PARL: variants seen among roughly 807,000 people sequenced by gnomAD.
PARL encodes the protein presenilin-associated rhomboid-like protein, mitochondrial.
A neutral mutation model predicts 51.6 loss-of-function variants in PARL; 44 were observed. That is an observed-to-expected ratio of 0.85 (90% CI 0.67 to 1.10). The LOEUF (loss-of-function observed/expected upper bound fraction) is 1.10. Ranked by LOEUF, PARL falls within the 50% of genes least tolerant of loss-of-function variation. The probability of loss-of-function intolerance (pLI) is 0.00; values close to 1 mark genes in which losing one functional copy is unlikely to be tolerated. For missense variants in PARL, 441 were observed against 469.5 expected (o/e 0.94, Z 0.56); for synonymous variants, 172 against 164.0 (o/e 1.05, Z -0.37).
rs762841882 is a variant in PARL, at chr3:183,862,765, G to A, written c.499C>T (p.Arg167Trp). The A allele has an allele frequency of 7.4e-6, 12 of 1,612,876 alleles. No homozygotes were observed. Among genetic ancestry groups the A allele is most frequent in the East Asian group, 4.5e-5 (2 of 44,858 alleles). The change falls in exon 4 of 10, where the codon CGG becomes TGG. Residue 167 changes from arginine to tryptophan, a missense_variant. Physicochemically the swap from Arg to Trp is moderately radical, Grantham distance 101 (BLOSUM62 -3). Transcript: ENST00000317096. ...AGCTAACACAAACCTGTCACAGTCC[G>A]CTGGCCATCACTTAGGTTATTCCAC... is the stretch of plus-strand genomic sequence containing the variant. ...KWWNNLSDGQ[R>W]TVTGIIAANV...
Position 183,884,710 on chromosome 3 carries a change from G to A in PARL, c.125+12C>T, listed in dbSNP as rs1473815244. On this transcript the variant is annotated intron_variant, in intron 1 of 9. Coordinates refer to ENST00000317096, the MANE Select transcript of PARL (RefSeq NM_018622.7). ...CCAAGAGGCGAGAAGACCAGAGCGC[G>A]GCGGCTATTACCTGCGTCCGAGGAG... 3 of 1,586,114 alleles carry A rather than the reference G, an allele frequency of 1.9e-6. No individual in the cohort carries two copies. Among genetic ancestry groups the A allele is most frequent in the Non-Finnish European group, 2.6e-6 (3 of 1,168,820 alleles).
In PARL at chr3:183,829,698, G is replaced by A. The variant is rs1727697117; in HGVS notation, c.1040C>T (p.Thr347Ile). The A allele has an allele frequency of 6.2e-7, 1 of 1,613,858 alleles. No homozygotes were observed. Among genetic ancestry groups the A allele is most frequent in the Middle Eastern group, 1.6e-4 (1 of 6,082 alleles). The change falls in exon 10 of 10, where the codon ACT (threonine) becomes ATT (isoleucine). Residue 347 changes from threonine to isoleucine, a missense_variant. Transcript: ENST00000317096. ...GGALFGIWYV[T>I]YGHELIWKNR... ...CTTCCAAATCAGTTCATGACCGTAA[G>A]TAACATACCATCTGGAGAAAAACAA... is the stretch of plus-strand genomic sequence containing the variant.
intron 3 of PARL, among the ~76,000 whole-genome samples, chr3:183,864,191 T>C (rs1386624564): frequency 1.3e-5 from 2 of 152,224 alleles, no homozygotes; most frequent in Non-Finnish European, 2.9e-5. Context: ...ATAGGGCTCA[T>C]GCTTCTTGAA....
At chr3:183,871,980 C>T (rs1733266777) in intron 1 of PARL, among the ~76,000 whole-genome samples, 1 of 150,188 alleles carries the variant, frequency 6.7e-6, no homozygotes, top group African/African-American at 2.4e-5. Flanking sequence ...GCTACTACTA[C>T]TATTACTTGC....
intron 4 of PARL, among the ~76,000 whole-genome samples, chr3:183,858,222 G>A (rs904651560): frequency 6.6e-6 from 1 of 152,174 alleles, no homozygotes; most frequent in African/African-American, 2.4e-5. Flanking sequence ...TGGGCTATAA[G>A]ACCAAGGAAA....
In PARL at chr3:183,833,767, A is replaced by C. The variant is rs1217742329; in HGVS notation, c.887T>G (p.Leu296Arg). The C allele has an allele frequency of 1.6e-5, 26 of 1,613,676 alleles. No homozygotes were observed. Among genetic ancestry groups the C allele is most frequent in the Non-Finnish European group, 2.2e-5 (26 of 1,179,512 alleles). The change falls in exon 8 of 10, where the codon CTT (leucine) becomes CGT (arginine). Residue 296 changes from leucine to arginine, a missense_variant. Transcript: ENST00000317096. ...AVCTKIPEGR[L>R]AIIFLPMFTF... ...GAACATCGGAAGGAAAATAATGGCA[A>C]GCCTCCCTTCTGGGATCTTAGTGCA...
Position 183,844,217 on chromosome 3 carries a change from C to G in PARL, c.607+14G>C. On this transcript the variant is annotated intron_variant, in intron 5 of 9. Transcript: ENST00000317096. ...ATTTCTACCTTAAAATAAATTCACA[C>G]AAGTTAGACTTACTTGAGGCTGGAT... 4.7e-6 allele frequency: 7 copies of G among 1,493,708 alleles called. No homozygotes were observed. The highest frequency in any genetic ancestry group is 6.5e-6 in the Non-Finnish European group (7 of 1,071,570). 92.5% of individuals were successfully genotyped at this position (1,493,708 alleles called of 1,614,324 possible).
intron 4 of PARL, among the ~76,000 whole-genome samples, chr3:183,848,354 G>A (rs910438847): frequency 5.3e-5 from 8 of 152,142 alleles, no homozygotes; most frequent in African/African-American, 1.9e-4. Flanking sequence ...CCATTCTCCT[G>A]CCTCAGCCTC....
chr3:183,842,046 AAC>A (rs1210678403), intron 6 of PARL, among the ~76,000 whole-genome samples: 4 of 152,218 alleles, frequency 2.6e-5, no homozygotes, highest in Non-Finnish European at 5.9e-5. Context: ...ACCCTTACTT[AAC>A]GCCTGTTTAT....
chr3:183,851,813 C>T (rs575443491), intron 4 of PARL, among the ~76,000 whole-genome samples: 1 of 152,210 alleles, frequency 6.6e-6, no homozygotes, highest in East Asian at 1.9e-4. Flanking sequence ...TAGTCACTAG[C>T]AAAATGGAAA....
At chr3:183,853,762 C>A (rs1211080381) in intron 4 of PARL, among the ~76,000 whole-genome samples, 1 of 152,142 alleles carries the variant, frequency 6.6e-6, no homozygotes, top group Non-Finnish European at 1.5e-5. Context: ...CTGTCAAACA[C>A]CTACACACTC....
chr3:183,853,494 G>T (rs955846034), intron 4 of PARL, among the ~76,000 whole-genome samples: 10 of 152,100 alleles, frequency 6.6e-5, no homozygotes, highest in Non-Finnish European at 1.0e-4. Flanking sequence ...GGAGATTGCA[G>T]TGAGCCGAGA....
At chr3:183,834,628 C>T (rs1728336061) in intron 7 of PARL, among the ~76,000 whole-genome samples, 1 of 152,038 alleles carries the variant, frequency 6.6e-6, no homozygotes, top group Non-Finnish European at 1.5e-5. Flanking sequence ...ATGAATATGT[C>T]CATGATCTTG....
At chr3:183,829,803 T>C in intron 9 of PARL, 94 bp from the exon 10 acceptor site, 2 of 987,980 alleles carry the variant, frequency 2.0e-6, no homozygotes, top group South Asian at 2.6e-5. Context: ...ATTTTTAAAA[T>C]CGAATGCCAC....
chr3:183,855,983 CA>C (rs1023038420), intron 4 of PARL, among the ~76,000 whole-genome samples: 12 of 145,786 alleles, frequency 8.2e-5, no homozygotes, highest in African/African-American at 2.3e-4. Flanking sequence ...AAAAAAAAAA[CA>C]AAAAAAACCC....
intron 4 of PARL, among the ~76,000 whole-genome samples, chr3:183,862,304 G>C (rs1731928605): frequency 6.6e-6 from 1 of 152,130 alleles, no homozygotes; most frequent in African/African-American, 2.4e-5. Context: ...CTGCTCTATT[G>C]CTTACTAGCA....
intron 3 of PARL, among the ~76,000 whole-genome samples, chr3:183,866,253 C>G (rs906496148): frequency 2.0e-5 from 3 of 152,136 alleles, no homozygotes; most frequent in African/African-American, 7.2e-5. Flanking sequence ...AAGTACAACA[C>G]CAGATATATA....
At chr3:183,875,725 C>T (rs1399179710) in intron 1 of PARL, among the ~76,000 whole-genome samples, 1 of 152,184 alleles carries the variant, frequency 6.6e-6, no homozygotes, top group Non-Finnish European at 1.5e-5. Flanking sequence ...CAAGAAGATC[C>T]TAAGATGAAG....
At chr3:183,843,576 A>G (rs1729590261) in intron 5 of PARL, among the ~76,000 whole-genome samples, 1 of 152,208 alleles carries the variant, frequency 6.6e-6, no homozygotes, top group African/African-American at 2.4e-5. Flanking sequence ...CACGCCTATA[A>G]TCCCAGCACT....
Sources: gnomAD v4.1 joint callset for allele counts (sites outside exome capture counted in the v4.1 genomes callset) on GRCh38, gnomAD v4.1.1 for gene constraint, MANE v1.5 for transcripts, NCBI Gene and HGNC (gene_info 2026-07-23, HGNC 2026-07-21) for gene names.